The following NCOA2 variants were observed in gnomAD, a reference collection of about 807,000 sequenced individuals.
NCOA2 encodes nuclear receptor coactivator 2, also known as class E basic helix-loop-helix protein 75.
In NCOA2, 21 loss-of-function variants were observed where a neutral mutation model predicts 145.1. The observed-to-expected ratio is 0.14, with a 90% CI of 0.10 to 0.21. The LOEUF is 0.21. Among genes scored for constraint, NCOA2 ranks in the 10% least tolerant of loss-of-function variants. The pLI, the probability that NCOA2 is intolerant of heterozygous loss-of-function variation, is 1.00. For synonymous variants in NCOA2, 619 were observed against 637.5 expected, an observed-to-expected ratio of 0.97 and a Z score of 0.44; for missense variants, 1,472 against 1,837.6, an observed-to-expected ratio of 0.80 and a Z score of 3.64.
intron 1 of NCOA2, among the ~76,000 whole-genome samples, chr8:70,383,459 T>C (rs1389680754): frequency 6.6e-6 from 1 of 152,196 alleles, no homozygotes; most frequent in Non-Finnish European, 1.5e-5. Context: ...TAAATGGTTA[T>C]GTTCTTACAG....
chr8:70,419,513 G>A, the NCOA2 span, among the ~76,000 whole-genome samples: 4 of 151,610 alleles, frequency 2.6e-5, no homozygotes, highest in Admixed American at 2.0e-4. Flanking sequence ...CTTTCTTTAC[G>A]ATGGGCTCTT....
At chr8:70,362,485 C>A (rs1365071088) in intron 1 of NCOA2, among the ~76,000 whole-genome samples, 1 of 151,960 alleles carries the variant, frequency 6.6e-6, no homozygotes, top group African/African-American at 2.4e-5. Flanking sequence ...GTTTTTTTAA[C>A]GTGCAAAAGA....
chr8:70,265,562 T>A (rs1824498231), intron 2 of NCOA2, among the ~76,000 whole-genome samples: 1 of 152,206 alleles, frequency 6.6e-6, no homozygotes, highest in Non-Finnish European at 1.5e-5. Context: ...GAGAACAACT[T>A]TAAGACTATT....
chr8:70,248,610 A>G lies in NCOA2; in HGVS notation c.-19-31846T>C, dbSNP rs73684241. 6.8e-3 allele frequency among the ~76,000 whole-genome samples: 1,035 copies of G among 152,268 alleles called. 10 individuals carry two copies. Among genetic ancestry groups the G allele is most frequent in the Middle Eastern group, 0.027 (8 of 294 alleles). On this transcript the variant is annotated intron_variant, in intron 2 of 22. Transcript: ENST00000452400. Reference sequence around the variant, plus strand: ...AAATCCATGGATGCTCAAGTCCTGGATATAAAAGGTATAGAATCTGCATAT... The same window carrying G: ...AAATCCATGGATGCTCAAGTCCTGGGTATAAAAGGTATAGAATCTGCATAT...
intron 4 of NCOA2, among the ~76,000 whole-genome samples, chr8:70,191,492 G>A (rs72663943): frequency 6.6e-6 from 1 of 152,188 alleles, no homozygotes; most frequent in African/African-American, 2.4e-5. Context: ...CTCTGGCATA[G>A]GGAGCTCCTA....
rs188859637 is a variant in NCOA2, at chr8:70,331,235, A to G, written c.-76-34435T>C. 1.8e-3 allele frequency among the ~76,000 whole-genome samples: 270 copies of G among 152,286 alleles called. 1 individual carries two copies. Among genetic ancestry groups the G allele is most frequent in the African/African-American group, 6.3e-3 (262 of 41,542 alleles). The stretch of plus-strand genomic sequence containing the variant: ...CCTGCTAATCATTTCTGGCACATAG[A>G]AACAACAGCATAAAGCTTTCTTACT... On this transcript the variant is annotated intron_variant, in intron 1 of 22. Transcript: ENST00000452400.
At chr8:70,130,755 A>C (rs1250159649) in intron 16 of NCOA2, among the ~76,000 whole-genome samples, 1 of 152,214 alleles carries the variant, frequency 6.6e-6, no homozygotes, top group Admixed American at 6.5e-5. Flanking sequence ...CAAGAAGTAG[A>C]CTGGACACTG....
chr8:70,448,466 T>G, the NCOA2 span, among the ~76,000 whole-genome samples: 102 of 152,250 alleles, frequency 6.7e-4, no homozygotes, highest in African/African-American at 2.4e-3. Context: ...TAAAATTTAG[T>G]GTACTATACC....
intron 4 of NCOA2, among the ~76,000 whole-genome samples, chr8:70,187,623 G>C (rs1021050153): frequency 5.3e-5 from 8 of 152,112 alleles, no homozygotes; most frequent in African/African-American, 1.7e-4. Context: ...AATTAATTAT[G>C]ATCATCCATA....
At chr8:70,272,418 C>T (rs1740719242) in intron 2 of NCOA2, among the ~76,000 whole-genome samples, 1 of 152,234 alleles carries the variant, frequency 6.6e-6, no homozygotes, top group African/African-American at 2.4e-5. Flanking sequence ...GTCTCCTCTA[C>T]TCTTCCCTTA....
chr8:70,342,534 G>C (rs1425674718), intron 1 of NCOA2, among the ~76,000 whole-genome samples: 3 of 151,696 alleles, frequency 2.0e-5, no homozygotes, highest in Admixed American at 2.0e-4. Flanking sequence ...AAATACTTCA[G>C]CTTCCTTCTC....
At chr8:70,359,280 T>C (rs191226331) in intron 1 of NCOA2, among the ~76,000 whole-genome samples, 2 of 152,248 alleles carry the variant, frequency 1.3e-5, no homozygotes, top group African/African-American at 2.4e-5. Flanking sequence ...TGTACACATA[T>C]TGACAGCTAT....
At chr8:70,193,064 TAA>T (rs397892713) in intron 4 of NCOA2, among the ~76,000 whole-genome samples, 8 of 86,548 alleles carry the variant, frequency 9.2e-5, no homozygotes, top group Admixed American at 3.0e-4. Context: ...GAGACTCTAT[TAA>T]AAAAAAAAAA....
At chr8:70,328,223 T>A (rs974485568) in intron 1 of NCOA2, among the ~76,000 whole-genome samples, 1 of 152,220 alleles carries the variant, frequency 6.6e-6, no homozygotes, top group Non-Finnish European at 1.5e-5. Context: ...GCAGAATAGC[T>A]ATGAGATTAT....
At chr8:70,343,583 G>C (rs535969166) in intron 1 of NCOA2, among the ~76,000 whole-genome samples, 1 of 151,862 alleles carries the variant, frequency 6.6e-6, no homozygotes, top group Non-Finnish European at 1.5e-5. Flanking sequence ...AGGCCGAGGC[G>C]GGCAGATCAC....
chr8:70,370,082 C>T lies in NCOA2; in HGVS notation c.-77+33618G>A, dbSNP rs560720572. 1.6e-4 allele frequency among the ~76,000 whole-genome samples: 24 copies of T among 152,114 alleles called. No individual in the cohort carries two copies. In the South Asian group the frequency reaches 2.3e-3, roughly 14 times the overall value. On this transcript the variant is annotated intron_variant, in intron 1 of 22. Transcript: ENST00000452400. ...TTATTTTTTTGTATGGGCAAGGTCT[C>T]GCCATCTTGCCCAGCTGGTCTCAAA...
Position 70,393,904 on chromosome 8 carries a change from T to C in NCOA2, c.-77+9796A>G, listed in dbSNP as rs563414850. Among the ~76,000 whole-genome samples, 127 of 152,366 alleles carry C rather than the reference T, an allele frequency of 8.3e-4. 1 individual carries two copies. The highest frequency in any genetic ancestry group is 3.0e-3 in the African/African-American group (123 of 41,580). ...GCCCTTCAACGTCCAGGCATTTTGT[T>C]GACTTCTATTGTTGTTGTTCACTGT... On this transcript the variant is annotated intron_variant, in intron 1 of 22. Transcript: ENST00000452400.
At chr8:70,203,552 C>T (rs79511234) in intron 4 of NCOA2, among the ~76,000 whole-genome samples, 7,551 of 151,422 alleles carry the variant, frequency 0.05, 623 homozygotes, top group African/African-American at 0.17. Context: ...TGAATCAAAC[C>T]TGGGCAACAT....
intron 4 of NCOA2, among the ~76,000 whole-genome samples, chr8:70,210,810 C>T (rs1294991684): frequency 6.6e-6 from 1 of 152,070 alleles, no homozygotes; most frequent in Non-Finnish European, 1.5e-5. Context: ...TTAGTATGGC[C>T]CCTCATGCAA....
Sources: allele counts gnomAD v4.1 joint callset (sites outside exome capture counted in the v4.1 genomes callset), GRCh38; gene constraint gnomAD v4.1.1; transcripts MANE v1.5; gene names NCBI Gene and HGNC (gene_info 2026-07-23, HGNC 2026-07-21).